The following KCTD8 variants were observed in gnomAD, a reference collection of about 807,000 sequenced individuals.
KCTD8 encodes potassium channel tetramerization domain containing 8.
Under a neutral mutation model 31.5 loss-of-function variants are expected in KCTD8, and 27 were observed. The ratio of observed to expected loss-of-function variants is 0.86; its 90% confidence interval spans 0.63 to 1.18. The LOEUF (loss-of-function observed/expected upper bound fraction) is 1.18, where lower values mean the gene tolerates loss of function less well. Ranked by LOEUF, KCTD8 falls within the 50% of genes most tolerant of loss-of-function variation. The pLI, the probability that KCTD8 is intolerant of heterozygous loss-of-function variation, is 0.00. For missense variants in KCTD8, 658 were observed against 647.7 expected (o/e 1.02, Z -0.17); for synonymous variants, 290 against 280.0 (o/e 1.04, Z -0.36).
At chr4:44,313,595 T>C (rs1322650718) in intron 1 of KCTD8, among the ~76,000 whole-genome samples, 3 of 152,214 alleles carry the variant, frequency 2.0e-5, no homozygotes, top group Non-Finnish European at 2.9e-5. Flanking sequence ...TTGCCGTTCA[T>C]TTAACCCATC....
chr4:44,382,335 T>C (rs1317301653), intron 1 of KCTD8, among the ~76,000 whole-genome samples: 2 of 152,038 alleles, frequency 1.3e-5, no homozygotes, highest in East Asian at 1.9e-4. Context: ...AAATTAGGTA[T>C]AGAAGGAGCA....
At chr4:44,219,447 C>T (rs562188969) in intron 1 of KCTD8, among the ~76,000 whole-genome samples, 94 of 152,280 alleles carry the variant, frequency 6.2e-4, no homozygotes, top group South Asian at 1.7e-3. Flanking sequence ...AATCCAATGA[C>T]TGGTCTCCTT....
At chr4:44,310,269 G>A (rs892666989) in intron 1 of KCTD8, among the ~76,000 whole-genome samples, 12 of 152,120 alleles carry the variant, frequency 7.9e-5, no homozygotes, top group Non-Finnish European at 1.2e-4. Flanking sequence ...GGGACTTCAC[G>A]CATAATCTAA....
chr4:44,174,997 G>C lies in KCTD8; in HGVS notation c.1215C>G (p.Asp405Glu). The part of the protein sequence containing the change: ...KAPVQWIPPP[D>E]KRRNSELFQT... Reference sequence around the variant, plus strand: ...GAAAGAGTTCACTGTTTCTGCGTTTGTCTGGTGGGGGTATCCATTGTACAG... The same window carrying C: ...GAAAGAGTTCACTGTTTCTGCGTTTCTCTGGTGGGGGTATCCATTGTACAG... Residue 405 changes from aspartate (D) to glutamate (E), a missense_variant, in exon 2 of 2, where the codon GAC becomes GAG. Physicochemically the swap from Asp to Glu is conservative, Grantham distance 45. Transcript: ENST00000360029. The C allele has an allele frequency of 6.2e-7, 1 of 1,614,090 alleles. No individual in the cohort carries two copies.
intron 1 of KCTD8, among the ~76,000 whole-genome samples, chr4:44,444,999 C>A (rs1721906136): frequency 6.6e-6 from 1 of 152,102 alleles, no homozygotes; most frequent in South Asian, 2.1e-4. Flanking sequence ...TTATTTTCTG[C>A]ATCTAAAACA....
intron 1 of KCTD8, among the ~76,000 whole-genome samples, chr4:44,418,675 C>T (rs1721138100): frequency 6.6e-6 from 1 of 152,154 alleles, no homozygotes; most frequent in Non-Finnish European, 1.5e-5. Context: ...TTAGACATGC[C>T]TTTCACAGAA....
intron 1 of KCTD8, among the ~76,000 whole-genome samples, chr4:44,320,367 A>G (rs560522492): frequency 6.6e-6 from 1 of 152,144 alleles, no homozygotes; most frequent in East Asian, 1.9e-4. Context: ...TAAATTTGCA[A>G]CTAAGTTCTT....
intron 1 of KCTD8, among the ~76,000 whole-genome samples, chr4:44,311,894 C>T (rs1717962178): frequency 6.7e-6 from 1 of 149,752 alleles, no homozygotes; most frequent in Non-Finnish European, 1.5e-5. Flanking sequence ...TGAACTAGTA[C>T]AGAGCTTAAA....
chr4:44,382,887 A>G (rs912327035), intron 1 of KCTD8, among the ~76,000 whole-genome samples: 3 of 152,042 alleles, frequency 2.0e-5, no homozygotes, highest in Non-Finnish European at 4.4e-5. Flanking sequence ...TTTGCAGATG[A>G]CATGATCTCA....
intron 1 of KCTD8, among the ~76,000 whole-genome samples, chr4:44,341,379 T>C (rs1274428894): frequency 3.3e-5 from 5 of 152,210 alleles, no homozygotes; most frequent in Non-Finnish European, 5.9e-5. Flanking sequence ...GATTGCCTCA[T>C]TGATGGATTT....
chr4:44,382,655 G>A lies in KCTD8; in HGVS notation c.961+64908C>T, dbSNP rs145261805. Among the ~76,000 whole-genome samples the A allele has an allele frequency of 4.6e-3, 692 of 151,884 alleles. 1 individual carries two copies. Among genetic ancestry groups the A allele is most frequent in the African/African-American group, 0.016 (673 of 41,450 alleles). On this transcript the variant is annotated intron_variant, in intron 1 of 1. Transcript: ENST00000360029. ...TGAGGCAGAAGAATCGTTTGAACTC[G>A]GGAGGTGGAGGTTGCAGTGAGTTGA...
chr4:44,283,198 T>C (rs941188168), intron 1 of KCTD8, among the ~76,000 whole-genome samples: 1 of 151,876 alleles, frequency 6.6e-6, no homozygotes, highest in South Asian at 2.1e-4. Flanking sequence ...TACGGGCATA[T>C]GCCACCATGC....
At chr4:44,223,225 C>G (rs764327745) in intron 1 of KCTD8, among the ~76,000 whole-genome samples, 2 of 152,096 alleles carry the variant, frequency 1.3e-5, no homozygotes, top group Non-Finnish European at 2.9e-5. Context: ...GGGACAAGAG[C>G]GGCTCAGGAT....
chr4:44,246,213 A>T (rs1715660426), intron 1 of KCTD8, among the ~76,000 whole-genome samples: 1 of 152,074 alleles, frequency 6.6e-6, no homozygotes, highest in Non-Finnish European at 1.5e-5. Context: ...GCTTCAAAAT[A>T]AGCCAACCTC....
Position 44,448,658 on chromosome 4 carries a change from C to A in KCTD8, c.-135G>T, listed in dbSNP as rs994403113. ...CGGCGCGTTCCTCCGACCGGGGCGG[C>A]CCCGCTCAGGGTTCGGGGCAGCGGC... On this transcript the variant is annotated 5_prime_UTR_variant, in exon 1 of 2. Transcript: ENST00000360029. The surrounding 1 kb of genome is among the most constrained non-coding windows in gnomAD (Gnocchi z 4.1). The A allele has an allele frequency of 9.0e-6, 9 of 996,536 alleles. No homozygotes were observed. Among genetic ancestry groups the A allele is most frequent in the Middle Eastern group, 3.6e-4 (1 of 2,812 alleles). The allele number at this position is 996,536 out of a possible 1,614,324, so 61.7% of individuals were successfully genotyped here.
intron 1 of KCTD8, among the ~76,000 whole-genome samples, chr4:44,195,243 A>G (rs185183976): frequency 2.0e-5 from 3 of 152,112 alleles, no homozygotes; most frequent in Non-Finnish European, 4.4e-5. Flanking sequence ...AACTATAATT[A>G]TCCAATTATA....
intron 1 of KCTD8, among the ~76,000 whole-genome samples, chr4:44,281,834 T>C (rs1426362700): frequency 3.3e-5 from 5 of 152,060 alleles, no homozygotes; most frequent in Non-Finnish European, 7.4e-5. Flanking sequence ...CCAGAGGCCC[T>C]CAGCTTTTTG....
At chr4:44,375,101 A>C (rs1577643161) in intron 1 of KCTD8, among the ~76,000 whole-genome samples, 1 of 152,180 alleles carries the variant, frequency 6.6e-6, no homozygotes, top group Non-Finnish European at 1.5e-5. Context: ...ACATTAAGAG[A>C]CCTCAGAATT....
At chr4:44,208,098 T>A (rs1307602505) in intron 1 of KCTD8, among the ~76,000 whole-genome samples, 1 of 152,192 alleles carries the variant, frequency 6.6e-6, no homozygotes, top group Non-Finnish European at 1.5e-5. Flanking sequence ...ACAGTTTTCC[T>A]CTTTGGGTAC....
Sources: gnomAD v4.1 joint callset for allele counts (sites outside exome capture counted in the v4.1 genomes callset) on GRCh38, gnomAD v4.1.1 for gene constraint, Gnocchi (gnomAD v3.1) non-coding constraint, MANE v1.5 for transcripts, NCBI Gene and HGNC (gene_info 2026-07-23, HGNC 2026-07-21) for gene names.